Variants in CLCF1 observed in about 807,000 individuals in gnomAD.
The protein encoded by CLCF1 is cardiotrophin-like cytokine factor 1.
Under a neutral mutation model 21.2 loss-of-function variants are expected in CLCF1, and 10 were observed. The ratio of observed to expected loss-of-function variants is 0.47; its 90% CI spans 0.29 to 0.80. CLCF1 has a LOEUF of 0.80. CLCF1 is among the 30% of genes least tolerant of loss of function. The pLI, the probability that CLCF1 is intolerant of heterozygous loss-of-function variation, is 0.09. For missense variants in CLCF1, 240 were observed against 293.4 expected (o/e 0.82, Z 1.33); for synonymous variants, 115 against 120.5 (o/e 0.95, Z 0.30).
chr11:67,366,826 G>C (rs1862110057), intron 2 of CLCF1, among the ~76,000 whole-genome samples: 1 of 152,082 alleles, frequency 6.6e-6, no homozygotes, highest in South Asian at 2.1e-4. Context: ...GAGGGGGCCG[G>C]TTCCCCATGG....
At chr11:67,369,027 TTAGA>T (rs1287098233) in intron 1 of CLCF1, 15 of 979,780 alleles carry the variant, frequency 1.5e-5, no homozygotes, top group Admixed American at 6.5e-5. Flanking sequence ...CAGAAATAAC[TTAGA>T]TAGGTATAAC....
intron 1 of CLCF1, chr11:67,369,492 G>A (rs1489133757): frequency 1.0e-6 from 1 of 985,282 alleles, no homozygotes; most frequent in East Asian, 1.1e-4. Context: ...GCCTGACTCA[G>A]TTCCTTTCTC....
At chr11:67,369,262 C>T (rs933328032) in intron 1 of CLCF1, 5 of 985,234 alleles carry the variant, frequency 5.1e-6, no homozygotes, top group Non-Finnish European at 4.8e-6. Context: ...GACTGGCCGG[C>T]TTTACTAAGG....
At chr11:67,366,223 G>A (rs1000684726) in intron 2 of CLCF1, among the ~76,000 whole-genome samples, 2 of 152,120 alleles carry the variant, frequency 1.3e-5, no homozygotes, top group Admixed American at 1.3e-4. Context: ...GGAGGCAGAG[G>A]GTGTAGACCA....
chr11:67,368,074 A>G (rs1239672941), intron 1 of CLCF1: 18 of 985,298 alleles, frequency 1.8e-5, no homozygotes, highest in Non-Finnish European at 2.2e-5. Context: ...GAGACAGCAC[A>G]TGTCAGAGCT....
Position 67,365,662 on chromosome 11 carries a change from G to A in CLCF1, c.184-32C>T, listed in dbSNP as rs370638359. The stretch of plus-strand genomic sequence containing the variant: ...AAAGGAGAGGGTGATGGGGAAGGAG[G>A]AGGGCAGAGCCGCTGGCTCACCACC... On this transcript the variant is annotated intron_variant, in intron 2 of 2. Coordinates refer to ENST00000312438, the MANE Select transcript of CLCF1 (RefSeq NM_013246.3). The surrounding 1 kb of genome is among the most constrained non-coding windows in gnomAD (Gnocchi z 5.0). The A allele has an allele frequency of 4.4e-5, 70 of 1,584,106 alleles. No homozygotes were observed. The highest frequency in any genetic ancestry group is 5.8e-5 in the Non-Finnish European group (67 of 1,161,556).
In CLCF1 at chr11:67,365,068, A is replaced by T; in HGVS notation, c.*68T>A. 1 of 1,607,634 alleles carries T rather than the reference A, an allele frequency of 6.2e-7. No homozygotes were observed. Among genetic ancestry groups the T allele is most frequent in the Non-Finnish European group, 8.5e-7 (1 of 1,179,680 alleles). ...GTCTCCTGGCTCAACAGGTGTTGGC[A>T]TACAGGGCTGGCTCTCACAAAGTGG... is the stretch of plus-strand genomic sequence containing the variant. On this transcript the variant is annotated 3_prime_UTR_variant, in exon 3 of 3. Transcript: ENST00000312438. The surrounding 1 kb of genome is among the most constrained non-coding windows in gnomAD (Gnocchi z 5.0).
chr11:67,370,548 C>T (rs1385415974), intron 1 of CLCF1: 2 of 982,974 alleles, frequency 2.0e-6, no homozygotes, highest in Non-Finnish European at 2.4e-6. Flanking sequence ...CAGCCCCCCA[C>T]CCCCGGCCAG....
At position 67,367,591 on chromosome 11, in the gene CLCF1, C is replaced by T; in HGVS notation, c.52G>A (p.Val18Met). 1 of 1,613,982 alleles carries T rather than the reference C, an allele frequency of 6.2e-7. No homozygotes were observed. The highest frequency in any genetic ancestry group is 1.3e-5 in the African/African-American group (1 of 75,040). Residue 18 changes from valine to methionine, a missense_variant, in exon 2 of 3, where the codon GTG becomes ATG. By Grantham distance (21) the Val-to-Met change is conservative. Coordinates refer to ENST00000312438, the MANE Select transcript of CLCF1 (RefSeq NM_013246.3). ...SWGMLACLCT[V>M]LWHLPAVPAL... is the part of the protein sequence containing the mutation. ...GGCACTGCAGGGAGGTGCCAGAGCA[C>T]CGTGCACAGGCACGCTAACATCCCC...
At chr11:67,369,005 T>C (rs1862176001) in intron 1 of CLCF1, 6 of 979,988 alleles carry the variant, frequency 6.1e-6, no homozygotes, top group African/African-American at 1.8e-5. Context: ...TGACATAGGT[T>C]GCTTTGATAG....
chr11:67,371,161 C>T (rs1862225465), intron 1 of CLCF1: 1 of 721,650 alleles, frequency 1.4e-6, no homozygotes, highest in African/African-American at 1.9e-5. Context: ...CAGGCAAAGG[C>T]CCACAGAAAC....
chr11:67,367,724 TG>T (rs1590914635), intron 1 of CLCF1, 98 bp from the exon 2 acceptor site: 4 of 1,526,594 alleles, frequency 2.6e-6, no homozygotes, highest in East Asian at 2.5e-5. Context: ...TTGGGCTGGG[TG>T]GGGGGTGAGG....
chr11:67,365,100 G>A lies in CLCF1; in HGVS notation c.*36C>T. On this transcript the variant is annotated 3_prime_UTR_variant, in exon 3 of 3. Coordinates refer to ENST00000312438, the MANE Select transcript of CLCF1 (RefSeq NM_013246.3). The surrounding 1 kb of genome is among the most constrained non-coding windows in gnomAD (Gnocchi z 5.0). ...GCTGGCTCTCACAAAGTGGGAGCAG[G>A]GTTTGAAGGGGGAGCGAAGAGGAGA... The A allele has an allele frequency of 1.2e-6, 2 of 1,612,574 alleles. No homozygotes were observed. Among genetic ancestry groups the A allele is most frequent in the Non-Finnish European group, 1.7e-6 (2 of 1,179,944 alleles).
intron 1 of CLCF1, chr11:67,369,794 C>T: frequency 1.0e-6 from 1 of 985,420 alleles, no homozygotes; most frequent in Non-Finnish European, 1.2e-6. Context: ...GAGGTACAGT[C>T]AGGAACCCAG....
At chr11:67,374,025 C>G (rs1354775026), upstream of CLCF1, 1 of 988,274 alleles carries the variant, frequency 1.0e-6, no homozygotes, top group East Asian at 1.1e-4. Flanking sequence ...CCTGCCGATG[C>G]GGGGTCCCTG....
At chr11:67,371,692 G>C (rs1862237355) in intron 1 of CLCF1, among the ~76,000 whole-genome samples, 1 of 152,162 alleles carries the variant, frequency 6.6e-6, no homozygotes, top group African/African-American at 2.4e-5. Flanking sequence ...CAGTGAAGGA[G>C]GAGTCCAGGG....
At position 67,364,881 on chromosome 11, in the gene CLCF1, T is replaced by A; in HGVS notation, c.*255A>T. 3.5e-6 allele frequency: 2 copies of A among 566,804 alleles called. No individual in the cohort carries two copies. Among genetic ancestry groups the A allele is most frequent in the Non-Finnish European group, 6.1e-6 (2 of 328,232 alleles). 35.1% of individuals were successfully genotyped at this position (566,804 alleles called of 1,614,324 possible). The stretch of plus-strand genomic sequence containing the variant: ...GCGCCTCTGCACCAACCTGAACCAC[T>A]TCACACTCCCTCGAGCATGACTTCC... On this transcript the variant is annotated 3_prime_UTR_variant, in exon 3 of 3. Coordinates refer to ENST00000312438, the MANE Select transcript of CLCF1 (RefSeq NM_013246.3).
intron 1 of CLCF1, chr11:67,367,937 T>G (rs907690218): frequency 1.0e-6 from 1 of 985,018 alleles, no homozygotes; most frequent in African/African-American, 1.8e-5. Flanking sequence ...CCAACATGTA[T>G]ATGTGTGTAC....
chr11:67,370,109 G>A lies in CLCF1; in HGVS notation c.17-2483C>T, dbSNP rs577858567. 31 of 985,334 alleles carry A rather than the reference G, an allele frequency of 3.1e-5. No individual in the cohort carries two copies. In the African/African-American group the frequency reaches 5.2e-4, roughly 17 times the overall value. The allele number at this position is 985,334 out of a possible 1,614,324, so 61.0% of individuals were successfully genotyped here. A position where few individuals can be genotyped will look rare whatever the true frequency, so the allele number is the denominator to read the frequency against. On this transcript the variant is annotated intron_variant, in intron 1 of 2. Transcript: ENST00000312438. ...AATCCAGAGGGAGAAGAGGTTAGGA[G>A]AAAAGAAAGGGGGGGTAGAAGGACA...
Sources: allele counts gnomAD v4.1 joint callset (sites outside exome capture counted in the v4.1 genomes callset), GRCh38; gene constraint gnomAD v4.1.1; non-coding constraint Gnocchi (gnomAD v3.1); transcripts MANE v1.5; gene names NCBI Gene and HGNC (gene_info 2026-07-23, HGNC 2026-07-21).